Variants in ASIC5 observed in about 807,000 individuals in gnomAD.
ASIC5 encodes bile acid-sensitive ion channel.
Under a neutral mutation model 51.2 loss-of-function variants are expected in ASIC5, and 52 were observed. That is an observed-to-expected ratio of 1.02 (90% confidence interval 0.81 to 1.28). The LOEUF is 1.28. ASIC5 is among the 50% of genes most tolerant of loss of function. The probability of loss-of-function intolerance (pLI) is 0.00; values close to 1 mark genes in which losing one functional copy is unlikely to be tolerated. For missense variants in ASIC5, 635 were observed against 595.0 expected, an observed-to-expected ratio of 1.07 and a Z score of -0.70; for synonymous variants, 231 against 200.7, an observed-to-expected ratio of 1.15 and a Z score of -1.28.
intron 6 of ASIC5, among the ~76,000 whole-genome samples, chr4:155,841,890 G>C (rs957388630): frequency 6.6e-6 from 1 of 152,054 alleles, no homozygotes; most frequent in South Asian, 2.1e-4. Flanking sequence ...AATTTCAGAA[G>C]AATGGAAAAC....
At chr4:155,858,833 T>A (rs1741616763) in intron 2 of ASIC5, 1 of 152,142 alleles carries the variant, frequency 6.6e-6, no homozygotes, top group Non-Finnish European at 1.5e-5. Context: ...TCAGTGAATC[T>A]TCATTTTTAT....
intron 7 of ASIC5, 39 bp from the exon 8 acceptor site, chr4:155,836,896 A>T (rs1165204928): frequency 6.9e-7 from 1 of 1,441,952 alleles, no homozygotes; most frequent in East Asian, 2.3e-5. Flanking sequence ...AGAGAAGAGA[A>T]ATATTTCATC....
rs370025759 is a variant in ASIC5 at position 155,843,835 on chromosome 4, A to G, written c.712-5T>C. The G allele has an allele frequency of 2.5e-6, 4 of 1,613,114 alleles. No homozygotes were observed. The highest frequency in any genetic ancestry group is 3.4e-6 in the Non-Finnish European group (4 of 1,179,526). On this transcript the variant is annotated splice_region_variant and splice_polypyrimidine_tract_variant and intron_variant, in intron 4 of 9. Transcript: ENST00000537611. ...TGGGTTATCAGTGAATGCCTCCTGA[A>G]ACAAAAATATGTTTTTGCCCAAATT...
chr4:155,841,775 C>G (rs1317586952), intron 6 of ASIC5, among the ~76,000 whole-genome samples: 1 of 152,018 alleles, frequency 6.6e-6, no homozygotes, highest in African/African-American at 2.4e-5. Flanking sequence ...TGGGGCCCCA[C>G]CCTGATATCG....
intron 4 of ASIC5, among the ~76,000 whole-genome samples, chr4:155,847,265 C>T (rs953993628): frequency 1.3e-5 from 2 of 152,054 alleles, no homozygotes; most frequent in South Asian, 4.1e-4. Context: ...AAGGTTATTA[C>T]ATCCATGTAT....
chr4:155,858,809 T>A (rs771841769), intron 2 of ASIC5: 3 of 152,108 alleles, frequency 2.0e-5, no homozygotes, highest in Admixed American at 1.3e-4. Flanking sequence ...GTCAACTATG[T>A]GTTTGTCTGG....
chr4:155,834,648 G>C (rs1740937334), intron 8 of ASIC5, among the ~76,000 whole-genome samples: 1 of 152,092 alleles, frequency 6.6e-6, no homozygotes, highest in Non-Finnish European at 1.5e-5. Context: ...GGGTAGAAGA[G>C]GGCGGTTCCC....
At chr4:155,837,784 C>T (rs548783221) in intron 7 of ASIC5, among the ~76,000 whole-genome samples, 9 of 152,130 alleles carry the variant, frequency 5.9e-5, no homozygotes, top group African/African-American at 2.2e-4. Context: ...GGCTCACATG[C>T]ACATACTCTC....
chr4:155,850,671 T>C (rs531347064), intron 4 of ASIC5, among the ~76,000 whole-genome samples: 24 of 152,064 alleles, frequency 1.6e-4, no homozygotes, highest in Non-Finnish European at 3.2e-4. Context: ...AGTTGCCTTT[T>C]AGTTGCTTCC....
chr4:155,830,262 A>G lies in ASIC5; in HGVS notation c.1328-216T>C, dbSNP rs150796858. Among the ~76,000 whole-genome samples, 916 of 152,288 alleles carry G rather than the reference A, an allele frequency of 6.0e-3. 8 individuals carry two copies. The highest frequency in any genetic ancestry group is 6.8e-3 in the Non-Finnish European group (464 of 68,020). On this transcript the variant is annotated intron_variant, in intron 9 of 9. Transcript: ENST00000537611. ...CATAAAAAGCAGAGAAGAAAAGCAA[A>G]CATAAAATCTGATTCCAAACATATA...
At chr4:155,831,308 A>G (rs1157866410) in intron 9 of ASIC5, among the ~76,000 whole-genome samples, 1 of 152,212 alleles carries the variant, frequency 6.6e-6, no homozygotes, top group African/African-American at 2.4e-5. Context: ...AAACACCACC[A>G]GCCTTTTCTT....
rs1354460597 is a variant in ASIC5 at position 155,854,133 on chromosome 4, G to C, written c.529C>G (p.Leu177Val). Residue 177 changes from leucine to valine, a missense_variant, in exon 3 of 10, where the codon CTC (leucine) becomes GTC (valine). Coordinates refer to ENST00000537611, the MANE Select transcript of ASIC5 (RefSeq NM_017419.3). The part of the protein sequence containing the change: ...VEFIRNKGFY[L>V]NNSTLLDCEF... ...CAGTCCAACAAAGTGCTATTGTTGA[G>C]ATAAAAACCTTTGTTCCTGATAAAT... is the stretch of plus-strand genomic sequence containing the variant. The C allele has an allele frequency of 6.2e-7, 1 of 1,613,396 alleles. No homozygotes were observed.
In ASIC5 at chr4:155,849,697, A is replaced by C. The variant is rs201837084; in HGVS notation, c.711+2494T>G. The stretch of plus-strand genomic sequence containing the variant: ...TTTCTTGGCTACAAGCCTTCAAAAT[A>C]ATGTTTTCAATTTTTTTCTTTTTTT... On this transcript the variant is annotated intron_variant, in intron 4 of 9. Coordinates refer to ENST00000537611, the MANE Select transcript of ASIC5 (RefSeq NM_017419.3). 6.6e-5 allele frequency among the ~76,000 whole-genome samples: 10 copies of C among 152,126 alleles called. No individual in the cohort carries two copies. The East Asian group carries it at 1.9e-3, about 30-fold the overall frequency.
At chr4:155,840,960 A>G (rs116463825) in intron 6 of ASIC5, among the ~76,000 whole-genome samples, 2,530 of 151,902 alleles carry the variant, frequency 0.017, 59 homozygotes, top group African/African-American at 0.057. Flanking sequence ...GCGCAAAAAG[A>G]CAGCTTCAAC....
At position 155,854,263 on chromosome 4, in the gene ASIC5, G is replaced by A. The variant is rs1741469028; in HGVS notation, c.399C>T (p.His133=). 1.9e-6 allele frequency: 3 copies of A among 1,613,192 alleles called. No homozygotes were observed. Among genetic ancestry groups the A allele is most frequent in the Non-Finnish European group, 2.5e-6 (3 of 1,179,518 alleles). ...AKFGVIFFLW[H]IVSKVLHLQE... is the part of the protein sequence containing the mutation. Reference sequence around the variant, plus strand: ...GAAGATGGAGGACTTTGGATACAATGTGCCATAAGAAAAAAATAACACCAA... The same window carrying A: ...GAAGATGGAGGACTTTGGATACAATATGCCATAAGAAAAAAATAACACCAA... The change falls in exon 3 of 10, where the codon CAC becomes CAT. Residue 133 remains histidine, a synonymous_variant. Transcript: ENST00000537611.
intron 7 of ASIC5, among the ~76,000 whole-genome samples, chr4:155,837,479 C>T (rs965448498): frequency 6.6e-6 from 1 of 152,140 alleles, no homozygotes; most frequent in East Asian, 1.9e-4. Context: ...TGTTTGTCTC[C>T]AGCTTCCCTT....
At chr4:155,850,874 C>A (rs1390336648) in intron 4 of ASIC5, among the ~76,000 whole-genome samples, 1 of 151,958 alleles carries the variant, frequency 6.6e-6, no homozygotes, top group African/African-American at 2.4e-5. Context: ...GAGTAAACTT[C>A]TGGTGGCTGT....
At chr4:155,847,218 G>A (rs114273042) in intron 4 of ASIC5, among the ~76,000 whole-genome samples, 2,494 of 151,980 alleles carry the variant, frequency 0.016, 58 homozygotes, top group African/African-American at 0.056. Flanking sequence ...GGTTTGCTTA[G>A]GAAAAAAACT....
Position 155,854,075 on chromosome 4 carries a change from A to G in ASIC5, c.585+2T>C, listed in dbSNP as rs1741457874. 8 of 1,594,510 alleles carry G rather than the reference A, an allele frequency of 5.0e-6. No individual in the cohort carries two copies. The highest frequency in any genetic ancestry group is 6.0e-6 in the Non-Finnish European group (7 of 1,165,210). On this transcript the variant is annotated splice_donor_variant, in intron 3 of 9. Coordinates refer to ENST00000537611, the MANE Select transcript of ASIC5 (RefSeq NM_017419.3). LOFTEE classifies it high-confidence loss of function. The stretch of plus-strand genomic sequence containing the variant: ...TATATTTGAAGAATAGAAAATCGTT[A>G]CCTTTGGGCTACATGGCTTTCCAAA...
Sources: gnomAD v4.1 joint callset for allele counts (sites outside exome capture counted in the v4.1 genomes callset) on GRCh38, gnomAD v4.1.1 for gene constraint, MANE v1.5 for transcripts, NCBI Gene and HGNC (gene_info 2026-07-23, HGNC 2026-07-21) for gene names.